Variants in FMN2 observed in about 807,000 individuals in gnomAD.
FMN2 encodes the protein formin-2.
FMN2 carries 51 observed loss-of-function variants against 142.3 expected under a neutral mutation model. That is an observed-to-expected ratio of 0.36 (90% CI 0.29 to 0.45). The LOEUF (loss-of-function observed/expected upper bound fraction) is 0.45, where lower values mean the gene tolerates loss of function less well. Ranked by LOEUF, FMN2 falls within the 20% of genes least tolerant of loss-of-function variation. FMN2 has a pLI of 1.00. For synonymous variants in FMN2, 882 were observed against 869.8 expected (o/e 1.01, Z -0.25); for missense variants, 1,936 against 2,122.8 (o/e 0.91, Z 1.73).
chr1:240,396,640 G>A (rs1329860352), intron 15 of FMN2, among the ~76,000 whole-genome samples: 1 of 152,026 alleles, frequency 6.6e-6, no homozygotes, highest in Non-Finnish European at 1.5e-5. Flanking sequence ...AGTGTCTGCT[G>A]TTCCCATGCT....
chr1:240,199,874 T>C (rs1185859093), intron 4 of FMN2, among the ~76,000 whole-genome samples: 2 of 152,224 alleles, frequency 1.3e-5, no homozygotes, highest in Non-Finnish European at 1.5e-5. Context: ...CAAGCTTACT[T>C]TTCTCTTTTT....
chr1:240,374,279 C>G (rs1672969237), intron 14 of FMN2, among the ~76,000 whole-genome samples: 1 of 152,162 alleles, frequency 6.6e-6, no homozygotes, highest in Non-Finnish European at 1.5e-5. Context: ...TCAATCAGCA[C>G]TCACTTCAAC....
intron 4 of FMN2, among the ~76,000 whole-genome samples, chr1:240,203,228 A>G (rs909387393): frequency 2.0e-5 from 3 of 152,186 alleles, no homozygotes; most frequent in Non-Finnish European, 4.4e-5. Context: ...AAAAATGGTT[A>G]TGTTCCATTG....
At chr1:240,336,274 T>C (rs914494882) in intron 13 of FMN2, among the ~76,000 whole-genome samples, 3 of 152,138 alleles carry the variant, frequency 2.0e-5, no homozygotes, top group Non-Finnish European at 4.4e-5. Flanking sequence ...GCACAGAAGA[T>C]TAGATATTGA....
intron 15 of FMN2, among the ~76,000 whole-genome samples, chr1:240,398,981 C>T (rs1376742247): frequency 6.6e-6 from 1 of 152,018 alleles, no homozygotes; most frequent in East Asian, 1.9e-4. Flanking sequence ...ATGTTTCTCG[C>T]TGTCTCCATG....
In FMN2 at chr1:240,092,639, C is replaced by T; in HGVS notation, c.530C>T (p.Ser177Leu). ...AGAQDGQRTS[S>L]GSDTDIYSFH... is the part of the protein sequence containing the mutation. Reference sequence around the variant, plus strand: ...GCGCAGGATGGACAAAGGACCAGCTCGGGCTCGGACACGGACATCTATAGC... The same window carrying T: ...GCGCAGGATGGACAAAGGACCAGCTTGGGCTCGGACACGGACATCTATAGC... Residue 177 changes from serine to leucine, a missense_variant, in exon 1 of 18, where the codon TCG (serine) becomes TTG (leucine). Physicochemically the swap from Ser to Leu is moderately radical, Grantham distance 145 (BLOSUM62 -2). Coordinates refer to ENST00000319653, the MANE Select transcript of FMN2 (RefSeq NM_020066.5). 6.2e-7 allele frequency: 1 copy of T among 1,614,068 alleles called. No individual in the cohort carries two copies. Among genetic ancestry groups the T allele is most frequent in the African/African-American group, 1.3e-5 (1 of 75,034 alleles).
At chr1:240,382,942 A>T (rs541646825) in intron 14 of FMN2, among the ~76,000 whole-genome samples, 1 of 152,192 alleles carries the variant, frequency 6.6e-6, no homozygotes, top group South Asian at 2.1e-4. Flanking sequence ...AGAATAGAGC[A>T]CCAAGAAACA....
At chr1:240,130,620 G>C (rs1050609547) in intron 2 of FMN2, among the ~76,000 whole-genome samples, 1 of 152,128 alleles carries the variant, frequency 6.6e-6, no homozygotes, top group African/African-American at 2.4e-5. Context: ...TGTGTTTTTA[G>C]TAAACAATCA....
chr1:240,327,083 C>T (rs1243411097), intron 8 of FMN2, among the ~76,000 whole-genome samples: 1 of 152,160 alleles, frequency 6.6e-6, no homozygotes, highest in Admixed American at 6.5e-5. Flanking sequence ...TAGTAAAATT[C>T]TTGAGCAAAG....
chr1:240,474,044 G>A (rs1289550630), intron 17 of FMN2, 84 bp from the exon 18 acceptor site: 4 of 1,186,422 alleles, frequency 3.4e-6, no homozygotes, highest in African/African-American at 1.6e-5. Flanking sequence ...CAAATGAAAA[G>A]GTCTTTTTTA....
At chr1:240,277,835 C>T (rs1017028088) in intron 7 of FMN2, among the ~76,000 whole-genome samples, 7 of 151,810 alleles carry the variant, frequency 4.6e-5, no homozygotes, top group African/African-American at 9.7e-5. Context: ...GCGCCTGGCC[C>T]GTACCTACAT....
intron 16 of FMN2, among the ~76,000 whole-genome samples, chr1:240,464,302 C>T (rs1215930499): frequency 6.6e-6 from 1 of 152,020 alleles, no homozygotes; most frequent in Non-Finnish European, 1.5e-5. Flanking sequence ...GGGAGCTCAC[C>T]CATGAGTCAC....
intron 3 of FMN2, among the ~76,000 whole-genome samples, chr1:240,185,091 C>T (rs1200635749): frequency 4.7e-5 from 2 of 42,918 alleles, no homozygotes; most frequent in African/African-American, 1.8e-4. Flanking sequence ...CTATACCTTC[C>T]CCCTTCTCTT....
At chr1:240,106,841 GC>G (rs1470770984) in intron 1 of FMN2, among the ~76,000 whole-genome samples, 1 of 151,334 alleles carries the variant, frequency 6.6e-6, no homozygotes, top group Non-Finnish European at 1.5e-5. Context: ...CCACCACCAC[GC>G]CCAGCTAATT....
At chr1:240,158,600 C>T (rs549669661) in intron 2 of FMN2, among the ~76,000 whole-genome samples, 2 of 152,130 alleles carry the variant, frequency 1.3e-5, no homozygotes, top group South Asian at 4.2e-4. Context: ...CTGCATCTCC[C>T]CCCCACCACG....
chr1:240,269,050 TTGA>T (rs1668906841), intron 7 of FMN2, among the ~76,000 whole-genome samples: 1 of 152,072 alleles, frequency 6.6e-6, no homozygotes, highest in African/African-American at 2.4e-5. Flanking sequence ...GCATTTTGAT[TTGA>T]TGCCATCCCA....
At position 240,379,580 on chromosome 1, in the gene FMN2, T is replaced by C. The variant is rs574625294; in HGVS notation, c.4859-12931T>C. On this transcript the variant is annotated intron_variant, in intron 14 of 17. Transcript: ENST00000319653. ...GTCTCCTTTCTAGCATCTATGATTT[T>C]AAAATTGCTTTTAGACAGAAATCTA... Among the ~76,000 whole-genome samples the C allele has an allele frequency of 7.2e-5, 11 of 152,312 alleles. No homozygotes were observed. The South Asian group carries it at 2.3e-3, about 32-fold the overall frequency.
intron 15 of FMN2, among the ~76,000 whole-genome samples, chr1:240,406,216 G>A (rs1319268002): frequency 1.1e-5 from 1 of 93,120 alleles, no homozygotes; most frequent in Non-Finnish European, 2.1e-5. Context: ...GCGAAGGGAA[G>A]CAGCCTCGGG....
intron 15 of FMN2, among the ~76,000 whole-genome samples, chr1:240,430,806 C>G (rs1047253066): frequency 1.3e-5 from 2 of 151,718 alleles, no homozygotes; most frequent in African/African-American, 4.8e-5. Context: ...TGCAAATCTC[C>G]TTCCAGGTCC....
Sources: allele counts gnomAD v4.1 joint callset (sites outside exome capture counted in the v4.1 genomes callset), GRCh38; gene constraint gnomAD v4.1.1; transcripts MANE v1.5; gene names NCBI Gene and HGNC (gene_info 2026-07-23, HGNC 2026-07-21).